Variants in PHRF1 observed in about 807,000 individuals in gnomAD.
The protein encoded by PHRF1 is PHD and ring finger domains 1.
Under a neutral mutation model 128.9 loss-of-function variants are expected in PHRF1, and 53 were observed. That is an observed-to-expected ratio of 0.41 (90% CI 0.33 to 0.52). The LOEUF (loss-of-function observed/expected upper bound fraction) is 0.52, where lower values mean the gene tolerates loss of function less well. Ranked by LOEUF, PHRF1 falls within the 20% of genes least tolerant of loss-of-function variation. The probability of loss-of-function intolerance (pLI) is 0.21; values close to 1 mark genes in which losing one functional copy is unlikely to be tolerated. For synonymous variants in PHRF1, 1,178 were observed against 980.6 expected, an observed-to-expected ratio of 1.20 and a Z score of -3.76; for missense variants, 2,503 against 2,284.5, an observed-to-expected ratio of 1.10 and a Z score of -1.95.
At chr11:585,874 A>T (rs1199165349) in intron 3 of PHRF1, among the ~76,000 whole-genome samples, 1 of 141,938 alleles carries the variant, frequency 7.0e-6, no homozygotes, top group Non-Finnish European at 1.5e-5. Context: ...TTATTTATTT[A>T]TTTTTGAGAC....
chr11:576,801 G>C (rs1263865211), intron 1 of PHRF1, among the ~76,000 whole-genome samples: 1 of 86,376 alleles, frequency 1.2e-5, no homozygotes, highest in African/African-American at 4.1e-5. Context: ...GCCCCGCCGA[G>C]ACTGGGAGGC....
rs532078426 is a variant in PHRF1, at chr11:598,467, C to T, written c.989C>T (p.Thr330Met). ...LSTAVYQRPL[T>M]PRTPARRKRK... Reference sequence around the variant, plus strand: ...ACTGCCGTGTATCAGCGCCCCCTGACGCCGCGCACTCCCGCCCGACGGAAG... The same window carrying T: ...ACTGCCGTGTATCAGCGCCCCCTGATGCCGCGCACTCCCGCCCGACGGAAG... Residue 330 changes from threonine (T) to methionine (M), a missense_variant, in exon 9 of 18, where the codon ACG becomes ATG. By Grantham distance (81) the Thr-to-Met change is moderately conservative. Transcript: ENST00000264555. 3.4e-5 allele frequency: 54 copies of T among 1,610,456 alleles called. No homozygotes were observed. The Middle Eastern group carries it at 8.3e-4, about 25-fold the overall frequency.
rs1856420283 is a variant in PHRF1 at position 611,761 on chromosome 11, A to AG, written c.4939dup (p.Ala1647GlyfsTer61). ...GAGGCCGGGGAGGAGCCGCCCACGC[A>AG]GGGGGCCGAGGGCTGAGGCCAGGCA... On this transcript the variant is annotated frameshift_variant, in exon 18 of 18. Transcript: ENST00000264555. LOFTEE classifies it high-confidence loss of function. The AG allele has an allele frequency of 6.2e-7, 1 of 1,606,336 alleles. No individual in the cohort carries two copies. The highest frequency in any genetic ancestry group is 8.5e-7 in the Non-Finnish European group (1 of 1,177,012).
chr11:597,293 C>A lies in PHRF1; in HGVS notation c.719-102C>A, dbSNP rs1855344298. ...GCCCTGGGTCCTGTGCACAGGTCAGCCCGAGCCAGGGCTGCTACTTGGCCG... is the reference window on the plus strand; with the variant it reads ...GCCCTGGGTCCTGTGCACAGGTCAGACCGAGCCAGGGCTGCTACTTGGCCG... On this transcript the variant is annotated intron_variant, in intron 7 of 17. Coordinates refer to ENST00000264555, the MANE Select transcript of PHRF1 (RefSeq NM_001286581.2). This position sits in a 1 kb window ranked among gnomAD's most constrained non-coding sequence, Gnocchi z 6.5. The A allele has an allele frequency of 3.8e-5, 55 of 1,438,656 alleles. No homozygotes were observed. Among genetic ancestry groups the A allele is most frequent in the South Asian group, 2.4e-4 (18 of 73,678 alleles). The allele number at this position is 1,438,656 out of a possible 1,614,324, so 89.1% of individuals were successfully genotyped here. A position where few individuals can be genotyped will look rare whatever the true frequency, so the allele number is the denominator to read the frequency against.
At position 592,606 on chromosome 11, in the gene PHRF1, C is replaced by T. The variant is rs780219820; in HGVS notation, c.552C>T (p.Thr184=). 6 of 1,613,936 alleles carry T rather than the reference C, an allele frequency of 3.7e-6. No individual in the cohort carries two copies. Among genetic ancestry groups the T allele is most frequent in the Middle Eastern group, 1.6e-4 (1 of 6,084 alleles). ...TKASEEEEDP[T]FCEVCGRSDR... ...CGAGCGAGGAGGAGGAGGACCCGAC[C>T]TTCTGTGAGGTGTGCGGCAGGAGCG... Residue 184 remains threonine, a synonymous_variant, in exon 6 of 18, where the codon ACC becomes ACT. Coordinates refer to ENST00000264555, the MANE Select transcript of PHRF1 (RefSeq NM_001286581.2).
Position 587,354 on chromosome 11 carries a change from G to A in PHRF1, c.310G>A (p.Asp104Asn), listed in dbSNP as rs1564842876. ...CGCTGGCTCTTTCAATTCTGATGAT[G>A]ATGCAGAGAGCTGCCCAATCTGTCT... ...EAAGSFNSDDDAESCPICLNA... is the reference protein window; with the variant it reads ...EAAGSFNSDDNAESCPICLNA... The change falls in exon 4 of 18, where the codon GAT becomes AAT. Residue 104 changes from aspartate (D) to asparagine (N), a missense_variant. Physicochemically the swap from Asp to Asn is conservative, Grantham distance 23. Coordinates refer to ENST00000264555, the MANE Select transcript of PHRF1 (RefSeq NM_001286581.2). 2 of 1,613,878 alleles carry A rather than the reference G, an allele frequency of 1.2e-6. No homozygotes were observed. Among genetic ancestry groups the A allele is most frequent in the African/African-American group, 1.3e-5 (1 of 75,066 alleles).
intron 2 of PHRF1, 103 bp downstream of exon 2, chr11:581,709 T>TA (rs1817216253): frequency 2.5e-6 from 3 of 1,177,328 alleles, no homozygotes; most frequent in South Asian, 3.2e-5. Flanking sequence ...ACTTTCAGTC[T>TA]AAAAAAATTA....
Position 608,502 on chromosome 11 carries a change from C to CGGACGCGCTCTG in PHRF1, c.3059_3070dup (p.Gly1020_Ser1023dup), listed in dbSNP as rs144630030. On this transcript the variant is annotated inframe_insertion, in exon 14 of 18. Coordinates refer to ENST00000264555, the MANE Select transcript of PHRF1 (RefSeq NM_001286581.2). ...GAAGAGGGTGTCCAGGGAGCACGGA[C>CGGACGCGCTCTG]GGACGCGCTCTGGGACGCGCTCTGA... 15 of 1,611,898 alleles carry CGGACGCGCTCTG rather than the reference C, an allele frequency of 9.3e-6. No homozygotes were observed. Among genetic ancestry groups the CGGACGCGCTCTG allele is most frequent in the Admixed American group, 5.0e-5 (3 of 59,978 alleles).
chr11:577,081 A>G (rs1306819417), intron 1 of PHRF1, among the ~76,000 whole-genome samples: 1 of 152,176 alleles, frequency 6.6e-6, no homozygotes, highest in Non-Finnish European at 1.5e-5. Context: ...GCCCCTGTGC[A>G]TGGTTGCCGT....
intron 9 of PHRF1, among the ~76,000 whole-genome samples, chr11:599,350 A>G (rs1187043653): frequency 7.0e-6 from 1 of 143,836 alleles, no homozygotes; most frequent in African/African-American, 2.6e-5. Context: ...TTCCGGGTTC[A>G]AGTGTTTCTC....
In PHRF1 at chr11:596,924, T is replaced by A; in HGVS notation, c.622T>A (p.Tyr208Asn). Residue 208 changes from tyrosine (Y) to asparagine (N), a missense_variant and splice_region_variant, in exon 7 of 18, where the codon TAC becomes AAC. Physicochemically the swap from Tyr to Asn is moderately radical, Grantham distance 143 (BLOSUM62 -2). Transcript: ENST00000264555. ...CTTTGGCCCTGCTCTCTCCTGTAGGTACCACATGGAATGCTTGGACCCCCC... is the reference window on the plus strand; with the variant it reads ...CTTTGGCCCTGCTCTCTCCTGTAGGAACCACATGGAATGCTTGGACCCCCC... ...LLLCDGCDAG[Y>N]HMECLDPPLQ... is the part of the protein sequence containing the mutation. 6.2e-7 allele frequency: 1 copy of A among 1,613,696 alleles called. No homozygotes were observed. The highest frequency in any genetic ancestry group is 8.5e-7 in the Non-Finnish European group (1 of 1,179,730).
rs1378718910 is a variant in PHRF1 at position 608,683 on chromosome 11, A to G, written c.3227A>G (p.Glu1076Gly). 6.2e-7 allele frequency: 1 copy of G among 1,612,228 alleles called. No homozygotes were observed. The highest frequency in any genetic ancestry group is 8.5e-7 in the Non-Finnish European group (1 of 1,179,778). Reference sequence around the variant, plus strand: ...AAGAAAGCCAAGGACAAGAGCAGGGAGCACAGGCGGGGCCCCTGGGGCCAC... The same window carrying G: ...AAGAAAGCCAAGGACAAGAGCAGGGGGCACAGGCGGGGCCCCTGGGGCCAC... ...KRKKAKDKSR[E>G]HRRGPWGHSR... The change falls in exon 14 of 18, where the codon GAG becomes GGG. Residue 1076 changes from glutamate (E) to glycine (G), a missense_variant. By Grantham distance (98) the Glu-to-Gly change is moderately conservative. Transcript: ENST00000264555.
rs746473599 is a variant in PHRF1 at position 587,335 on chromosome 11, C to T, written c.291C>T (p.Gly97=). Residue 97 remains glycine (G), a synonymous_variant, in exon 4 of 18, where the codon GGC becomes GGT. Coordinates refer to ENST00000264555, the MANE Select transcript of PHRF1 (RefSeq NM_001286581.2). The part of the protein sequence containing the change: ...AGTQGKLEAA[G]SFNSDDDAES... ...CTCAGGGGAAACTGGAAGCCGCTGG[C>T]TCTTTCAATTCTGATGATGATGCAG... 2.2e-5 allele frequency: 35 copies of T among 1,613,656 alleles called. No homozygotes were observed. Among genetic ancestry groups the T allele is most frequent in the Non-Finnish European group, 2.6e-5 (31 of 1,179,912 alleles).
In PHRF1 at chr11:610,487, G is replaced by A. The variant is rs776129827; in HGVS notation, c.4417-14G>A. On this transcript the variant is annotated splice_polypyrimidine_tract_variant and intron_variant, in intron 15 of 17. Coordinates refer to ENST00000264555, the MANE Select transcript of PHRF1 (RefSeq NM_001286581.2). ...GCTGTAGGGCCCAGTGCTCAGCAGG[G>A]GTGTCCCTCCCAGGTTTACAGCCCC... 16 of 1,599,382 alleles carry A rather than the reference G, an allele frequency of 1.0e-5. No homozygotes were observed. Among genetic ancestry groups the A allele is most frequent in the Non-Finnish European group, 1.3e-5 (15 of 1,175,176 alleles).
intron 6 of PHRF1, among the ~76,000 whole-genome samples, chr11:594,741 C>T (rs1202176695): frequency 6.6e-6 from 1 of 152,194 alleles, no homozygotes; most frequent in African/African-American, 2.4e-5. Flanking sequence ...AGATTAAAGG[C>T]GTGAGCCACT....
In PHRF1 at chr11:597,329, G is replaced by T. The variant is rs1855347601; in HGVS notation, c.719-66G>T. The stretch of plus-strand genomic sequence containing the variant: ...GCTGCTACTTGGCCGGCAGCCACAG[G>T]GGGAGCCGTTGGGGGAGGCGTGTGG... On this transcript the variant is annotated intron_variant, in intron 7 of 17. Transcript: ENST00000264555. This position sits in a 1 kb window ranked among gnomAD's most constrained non-coding sequence, Gnocchi z 6.5. 1 of 1,548,898 alleles carries T rather than the reference G, an allele frequency of 6.5e-7. No homozygotes were observed. The highest frequency in any genetic ancestry group is 8.7e-7 in the Non-Finnish European group (1 of 1,144,164).
At chr11:611,389 A>T (rs774279398) in intron 17 of PHRF1, among the ~76,000 whole-genome samples, 34 of 152,066 alleles carry the variant, frequency 2.2e-4, no homozygotes, top group Non-Finnish European at 4.0e-4. Flanking sequence ...TTGCCTGGTG[A>T]CGTCTCAGCC....
Position 610,529 on chromosome 11 carries a change from C to A in PHRF1, c.4445C>A (p.Pro1482Gln). The A allele has an allele frequency of 6.2e-7, 1 of 1,604,804 alleles. No individual in the cohort carries two copies. The highest frequency in any genetic ancestry group is 8.5e-7 in the Non-Finnish European group (1 of 1,179,174). Reference sequence around the variant, plus strand: ...TACAGCCCCGGCCTGCCGCCTGCCCCGGCCCAGCCCTCAAGCATCCCACCC... The same window carrying A: ...TACAGCCCCGGCCTGCCGCCTGCCCAGGCCCAGCCCTCAAGCATCCCACCC... ...QVYSPGLPPA[P>Q]AQPSSIPPCA... Residue 1482 changes from proline to glutamine, a missense_variant, in exon 16 of 18, where the codon CCG becomes CAG. Transcript: ENST00000264555.
At chr11:586,642 C>G (rs550883355) in intron 3 of PHRF1, among the ~76,000 whole-genome samples, 1 of 152,104 alleles carries the variant, frequency 6.6e-6, no homozygotes, top group East Asian at 1.9e-4. Flanking sequence ...TGGGCTCTGC[C>G]GTGTTGAACT....
Sources: allele counts gnomAD v4.1 joint callset (sites outside exome capture counted in the v4.1 genomes callset), GRCh38; gene constraint gnomAD v4.1.1; non-coding constraint Gnocchi (gnomAD v3.1); transcripts MANE v1.5; gene names NCBI Gene and HGNC (gene_info 2026-07-23, HGNC 2026-07-21).